Variants in HDAC4 observed in about 807,000 individuals in gnomAD.
HDAC4 encodes the protein histone deacetylase 4, also known as histone deacetylase A.
In HDAC4, 16 loss-of-function variants were observed where a neutral mutation model predicts 135.1. The ratio of observed to expected loss-of-function variants is 0.12; its 90% CI spans 0.08 to 0.18. The LOEUF is 0.18. Among genes scored for constraint, HDAC4 ranks in the 10% least tolerant of loss-of-function variants. The probability of loss-of-function intolerance (pLI) is 1.00; values close to 1 mark genes in which losing one functional copy is unlikely to be tolerated. For synonymous variants in HDAC4, 685 were observed against 653.4 expected (o/e 1.05, Z -0.74); for missense variants, 1,143 against 1,511.8 (o/e 0.76, Z 4.05).
intron 7 of HDAC4, among the ~76,000 whole-genome samples, chr2:239,148,937 G>A (rs1352351207): frequency 6.6e-6 from 1 of 152,158 alleles, no homozygotes; most frequent in Non-Finnish European, 1.5e-5. Context: ...ATCAACTTCC[G>A]GAAAAATTTC....
At chr2:239,312,541 A>G (rs1160830366) in intron 2 of HDAC4, among the ~76,000 whole-genome samples, 3 of 152,254 alleles carry the variant, frequency 2.0e-5, no homozygotes, top group African/African-American at 7.2e-5. Context: ...ACTGTCCTCC[A>G]TTCTAAAGCA....
rs748504726 is a variant in HDAC4, at chr2:239,134,557, C to T, written c.1065G>A (p.Thr355=). 16 of 1,613,990 alleles carry T rather than the reference C, an allele frequency of 9.9e-6. No individual in the cohort carries two copies. The highest frequency in any genetic ancestry group is 6.7e-5 in the East Asian group (3 of 44,882). The stretch of plus-strand genomic sequence containing the variant: ...AGGGGCCGGTGGCAGGCAGGCCCAG[C>T]GTGATGTTGGGCAAGGATGGCGATG... ...LYTSPSLPNI[T]LGLPATGPSA... Residue 355 remains threonine (T), a synonymous_variant, in exon 10 of 27, where the codon ACG becomes ACA. Transcript: ENST00000543185.
intron 3 of HDAC4, among the ~76,000 whole-genome samples, chr2:239,207,008 G>A (rs2046086168): frequency 6.6e-6 from 1 of 152,160 alleles, no homozygotes; most frequent in Non-Finnish European, 1.5e-5. Context: ...ATGGGAGGGA[G>A]GCCTAAACGC....
At chr2:239,060,391 T>A (rs1574858504) in intron 24 of HDAC4, among the ~76,000 whole-genome samples, 1 of 152,212 alleles carries the variant, frequency 6.6e-6, no homozygotes, top group Admixed American at 6.5e-5. Flanking sequence ...ATCTGTCTAA[T>A]TCACCCCACT....
chr2:239,235,614 A>G (rs1490493459), intron 3 of HDAC4, among the ~76,000 whole-genome samples: 2 of 152,242 alleles, frequency 1.3e-5, no homozygotes, highest in Admixed American at 6.5e-5. Flanking sequence ...GAGAGGCTGC[A>G]TGGCTGGGAA....
intron 2 of HDAC4, among the ~76,000 whole-genome samples, chr2:239,277,662 C>G (rs561063737): frequency 1.3e-5 from 2 of 152,326 alleles, no homozygotes; most frequent in African/African-American, 4.8e-5. Context: ...AAGGGCCACA[C>G]AGCCGCCCAG....
At chr2:239,311,221 G>A (rs895915843) in intron 2 of HDAC4, among the ~76,000 whole-genome samples, 1 of 152,108 alleles carries the variant, frequency 6.6e-6, no homozygotes, top group East Asian at 1.9e-4. Flanking sequence ...CCAGGGGGAC[G>A]GCCTGGCCCC....
chr2:239,202,186 C>T (rs548977287), intron 3 of HDAC4, among the ~76,000 whole-genome samples: 1 of 152,180 alleles, frequency 6.6e-6, no homozygotes, highest in Non-Finnish European at 1.5e-5. Flanking sequence ...GGGACACTGG[C>T]GTAAGATGGG....
intron 11 of HDAC4, among the ~76,000 whole-genome samples, chr2:239,133,794 T>G (rs1419882697): frequency 1.3e-5 from 2 of 152,214 alleles, no homozygotes; most frequent in African/African-American, 4.8e-5. Context: ...GAAGTGACAC[T>G]TTCACATTGC....
Position 239,066,713 on chromosome 2 carries a change from T to A in HDAC4, c.3003+9A>T. The A allele has an allele frequency of 2.5e-6, 4 of 1,613,308 alleles. No individual in the cohort carries two copies. The highest frequency in any genetic ancestry group is 3.4e-6 in the Non-Finnish European group (4 of 1,179,988). ...GGAGCATCCTGTGGGGTCTCTGGGG[T>A]CTTCCTACCTCGTTTCCCAGCAAGG... On this transcript the variant is annotated intron_variant, in intron 24 of 26. Transcript: ENST00000543185.
rs2044802971 is a variant in HDAC4, at chr2:239,189,893, G to A, written c.279C>T (p.Phe93=). Residue 93 remains phenylalanine (F), a synonymous_variant, in exon 4 of 27, where the codon TTC becomes TTT. Coordinates refer to ENST00000543185, the MANE Select transcript of HDAC4 (RefSeq NM_001378414.1). ...QIQRQILIAE[F]QRQHEQLSRQ... ...GGGAGAGCTGCTCGTGCTGCCTCTG[G>A]AACTCAGCGATGAGGATCTGCCTCT... is the stretch of plus-strand genomic sequence containing the variant. 1 of 1,610,948 alleles carries A rather than the reference G, an allele frequency of 6.2e-7. No individual in the cohort carries two copies. Among genetic ancestry groups the A allele is most frequent in the Non-Finnish European group, 8.5e-7 (1 of 1,179,908 alleles).
At chr2:239,396,089 GCCACAGCCTC>G (rs1696540981) in intron 1 of HDAC4, among the ~76,000 whole-genome samples, 2 of 151,542 alleles carry the variant, frequency 1.3e-5, no homozygotes, top group Non-Finnish European at 1.5e-5. Flanking sequence ...TGATTCTCCT[GCCACAGCCTC>G]CCAAGTAATG....
chr2:239,089,970 G>T, intron 18 of HDAC4, 39 bp downstream of exon 18: 1 of 1,431,100 alleles, frequency 7.0e-7, no homozygotes, highest in Non-Finnish European at 9.9e-7. Flanking sequence ...TCTATGGCAG[G>T]CCTCCTGGAG....
intron 8 of HDAC4, chr2:239,140,824 C>A (rs964131959): frequency 5.3e-6 from 2 of 378,378 alleles, no homozygotes; most frequent in African/African-American, 2.1e-5. Flanking sequence ...CTGCTTGCTG[C>A]CCGCGTCCTC....
At chr2:239,079,908 G>A (rs1212787291) in intron 22 of HDAC4, among the ~76,000 whole-genome samples, 2 of 148,416 alleles carry the variant, frequency 1.3e-5, no homozygotes, top group African/African-American at 5.3e-5. Flanking sequence ...GCACACACAC[G>A]TATACTGCAT....
chr2:239,241,433 C>T (rs1248373693), intron 2 of HDAC4, among the ~76,000 whole-genome samples: 1 of 152,200 alleles, frequency 6.6e-6, no homozygotes, highest in East Asian at 1.9e-4. Flanking sequence ...TTTTCACTGG[C>T]TGTTTTGGAT....
At chr2:239,134,701 T>C in intron 9 of HDAC4, 58 bp from the exon 10 acceptor site, 1 of 1,289,716 alleles carries the variant, frequency 7.8e-7, no homozygotes. Context: ...ATCAGCAATA[T>C]ACACCAAGAA....
intron 2 of HDAC4, among the ~76,000 whole-genome samples, chr2:239,339,801 C>T (rs1049043114): frequency 6.6e-6 from 1 of 152,182 alleles, no homozygotes; most frequent in Non-Finnish European, 1.5e-5. Flanking sequence ...GAAATGGAAA[C>T]ACTGATAAAC....
intron 24 of HDAC4, among the ~76,000 whole-genome samples, chr2:239,062,463 G>A (rs1167215416): frequency 1.3e-5 from 2 of 152,256 alleles, no homozygotes; most frequent in African/African-American, 2.4e-5. Flanking sequence ...GACTTTTAAA[G>A]AGACCTTGAT....
Sources: gnomAD v4.1 joint callset for allele counts (sites outside exome capture counted in the v4.1 genomes callset) on GRCh38, gnomAD v4.1.1 for gene constraint, MANE v1.5 for transcripts, NCBI Gene and HGNC (gene_info 2026-07-23, HGNC 2026-07-21) for gene names.